Variants in ELAVL2 observed in about 807,000 individuals in gnomAD.
The protein encoded by ELAVL2 is ELAV-like protein 2.
A neutral mutation model predicts 34.6 loss-of-function variants in ELAVL2; 4 were observed. The observed-to-expected ratio is 0.12, with a 90% CI of 0.06 to 0.26. The LOEUF (loss-of-function observed/expected upper bound fraction) is 0.26, where lower values mean the gene tolerates loss of function less well. ELAVL2 is among the 10% of genes least tolerant of loss of function. The pLI, the probability that ELAVL2 is intolerant of heterozygous loss-of-function variation, is 1.00. For synonymous variants in ELAVL2, 193 were observed against 154.8 expected, an observed-to-expected ratio of 1.25 and a Z score of -1.83; for missense variants, 432 against 442.8, an observed-to-expected ratio of 0.98 and a Z score of 0.22.
At chr9:23,837,725 C>A in the ELAVL2 span, among the ~76,000 whole-genome samples, 292 of 152,164 alleles carry the variant, frequency 1.9e-3, no homozygotes, top group African/African-American at 6.7e-3. Flanking sequence ...TTACAGATGA[C>A]ATAACACTTG....
chr9:23,715,291 G>C (rs759417829), intron 3 of ELAVL2, among the ~76,000 whole-genome samples: 3 of 152,174 alleles, frequency 2.0e-5, no homozygotes, highest in Non-Finnish European at 4.4e-5. Flanking sequence ...TGGGAACACA[G>C]GCGCCCGCCA....
At chr9:23,784,416 G>A (rs574774050) in intron 1 of ELAVL2, among the ~76,000 whole-genome samples, 2 of 152,184 alleles carry the variant, frequency 1.3e-5, no homozygotes, top group Non-Finnish European at 2.9e-5. Context: ...CATTTAAGCT[G>A]AGATCTAAAG....
At chr9:23,707,145 T>C (rs868688059) in intron 3 of ELAVL2, among the ~76,000 whole-genome samples, 1 of 152,218 alleles carries the variant, frequency 6.6e-6, no homozygotes, top group South Asian at 2.1e-4. Context: ...CAATGAAGAC[T>C]GGGGAACTTA....
At chr9:23,788,063 A>T (rs2059908866) in intron 1 of ELAVL2, among the ~76,000 whole-genome samples, 1 of 152,160 alleles carries the variant, frequency 6.6e-6, no homozygotes, top group Non-Finnish European at 1.5e-5. Context: ...AGGTTAGAAA[A>T]TTTTTACTTT....
At chr9:23,734,540 C>A (rs2047357241) in intron 2 of ELAVL2, among the ~76,000 whole-genome samples, 1 of 152,172 alleles carries the variant, frequency 6.6e-6, no homozygotes, top group Admixed American at 6.5e-5. Context: ...AGACTTCAGG[C>A]ATATTGCGTA....
chr9:23,720,349 C>CT, intron 3 of ELAVL2, among the ~76,000 whole-genome samples: 1 of 151,522 alleles, frequency 6.6e-6, no homozygotes, highest in East Asian at 2.0e-4. Context: ...AATTTTTGTA[C>CT]TTTTTAGTAG....
intron 1 of ELAVL2, among the ~76,000 whole-genome samples, chr9:23,795,204 T>C (rs1406872149): frequency 6.6e-6 from 1 of 152,166 alleles, no homozygotes; most frequent in Non-Finnish European, 1.5e-5. Flanking sequence ...TTATATTTTA[T>C]ATAAGATTCC....
intron 1 of ELAVL2, among the ~76,000 whole-genome samples, chr9:23,790,936 A>C (rs1350908977): frequency 6.6e-6 from 1 of 152,208 alleles, no homozygotes; most frequent in Non-Finnish European, 1.5e-5. Context: ...CTAGAGTCTC[A>C]GAGCTGCACA....
the ELAVL2 span, among the ~76,000 whole-genome samples, chr9:23,848,784 A>T: frequency 6.6e-6 from 1 of 152,222 alleles, no homozygotes; most frequent in Admixed American, 6.5e-5. Flanking sequence ...ATAAATGAAA[A>T]TTAAGAATGG....
At chr9:23,754,970 A>G (rs10966069) in intron 2 of ELAVL2, among the ~76,000 whole-genome samples, 15,225 of 152,116 alleles carry the variant, frequency 0.1, 818 homozygotes, top group Middle Eastern at 0.21. Context: ...GTATAAACCA[A>G]CCTTGTTAAA....
intron 2 of ELAVL2, among the ~76,000 whole-genome samples, chr9:23,752,544 T>G (rs765064090): frequency 4.6e-5 from 7 of 151,508 alleles, no homozygotes; most frequent in African/African-American, 1.5e-4. Flanking sequence ...AACCTCCGCC[T>G]CCCGGGTTGA....
chr9:23,798,482 G>A (rs915299917), intron 1 of ELAVL2, among the ~76,000 whole-genome samples: 2 of 152,134 alleles, frequency 1.3e-5, no homozygotes, highest in South Asian at 2.1e-4. Context: ...TCAGAGTTTT[G>A]TAAGAACTCA....
chr9:23,765,029 C>T, intron 1 of ELAVL2: 3 of 1,609,312 alleles, frequency 1.9e-6, no homozygotes, highest in Non-Finnish European at 1.7e-6. Context: ...GGCTCTGCTG[C>T]CCACGAACCA....
chr9:23,729,802 C>A (rs541933423), intron 3 of ELAVL2, among the ~76,000 whole-genome samples: 2 of 152,034 alleles, frequency 1.3e-5, no homozygotes, highest in South Asian at 2.1e-4. Context: ...CCACTCAGGG[C>A]TAATAAATTA....
chr9:23,813,353 G>A (rs2063274006), intron 1 of ELAVL2, among the ~76,000 whole-genome samples: 1 of 151,902 alleles, frequency 6.6e-6, no homozygotes, highest in Non-Finnish European at 1.5e-5. Context: ...AAAAATAAAG[G>A]GGAAAGGGAG....
intron 1 of ELAVL2, among the ~76,000 whole-genome samples, chr9:23,774,233 AAAAAAGAAAGAAAG>A (rs2057824597): frequency 6.8e-6 from 1 of 147,096 alleles, no homozygotes; most frequent in Non-Finnish European, 1.5e-5. Context: ...AAAAAAAAAA[AAAAAAGAAAGAAAG>A]AAAGAAAGAA....
intron 3 of ELAVL2, among the ~76,000 whole-genome samples, chr9:23,723,411 G>C (rs1564088371): frequency 6.6e-6 from 1 of 151,894 alleles, no homozygotes; most frequent in Non-Finnish European, 1.5e-5. Flanking sequence ...ACACACCCTG[G>C]GGACTGTTGT....
Position 23,692,342 on chromosome 9 carries a change from A to G in ELAVL2, c.*215T>C, listed in dbSNP as rs1306088635. 2 of 550,486 alleles carry G rather than the reference A, an allele frequency of 3.6e-6. No individual in the cohort carries two copies. Among genetic ancestry groups the G allele is most frequent in the Non-Finnish European group, 6.2e-6 (2 of 320,580 alleles). The allele number at this position is 550,486 out of a possible 1,614,324, so 34.1% of individuals were successfully genotyped here. A position where few individuals can be genotyped will look rare whatever the true frequency, so the allele number is the denominator to read the frequency against. ...GCAATGTGACAGGTAAAAACCCTGT[A>G]CCTCTTGTCCATATTCAAACATAAA... On this transcript the variant is annotated 3_prime_UTR_variant, in exon 7 of 7. Transcript: ENST00000397312.
At chr9:23,809,731 T>A (rs767179172) in intron 1 of ELAVL2, among the ~76,000 whole-genome samples, 13 of 152,130 alleles carry the variant, frequency 8.5e-5, no homozygotes, top group Non-Finnish European at 1.9e-4. Flanking sequence ...ATGTGAGAGA[T>A]CAAGTAATGA....
Sources: allele counts gnomAD v4.1 joint callset (sites outside exome capture counted in the v4.1 genomes callset), GRCh38; gene constraint gnomAD v4.1.1; transcripts MANE v1.5; gene names NCBI Gene and HGNC (gene_info 2026-07-23, HGNC 2026-07-21).